Variants in CCDC15 observed in about 807,000 individuals in gnomAD.
CCDC15 encodes the protein coiled-coil domain containing 15.
CCDC15 carries 105 observed loss-of-function variants against 114.5 expected under a neutral mutation model. That is an observed-to-expected ratio of 0.92 (90% CI 0.78 to 1.08). CCDC15 has a LOEUF of 1.08. CCDC15 is among the 50% of genes least tolerant of loss of function. CCDC15 has a pLI of 0.00. For missense variants in CCDC15, 1,105 were observed against 1,093.6 expected (o/e 1.01, Z -0.15); for synonymous variants, 334 against 377.8 (o/e 0.88, Z 1.34).
intron 13 of CCDC15, among the ~76,000 whole-genome samples, chr11:125,021,930 A>G (rs1948662997): frequency 6.6e-6 from 1 of 151,910 alleles, no homozygotes; most frequent in South Asian, 2.1e-4. Context: ...CATTATTCAC[A>G]GGAAAATCTT....
chr11:125,006,438 T>C (rs933245969), intron 13 of CCDC15, among the ~76,000 whole-genome samples: 1 of 152,236 alleles, frequency 6.6e-6, no homozygotes, highest in Non-Finnish European at 1.5e-5. Flanking sequence ...ATAACAGTTC[T>C]TTATCAGTCT....
At chr11:124,975,922 C>T (rs1467233231) in intron 5 of CCDC15, among the ~76,000 whole-genome samples, 2 of 151,736 alleles carry the variant, frequency 1.3e-5, no homozygotes, top group East Asian at 1.9e-4. Context: ...TGGAGCTAGG[C>T]TTAGGAGGAT....
intron 4 of CCDC15, among the ~76,000 whole-genome samples, chr11:124,969,642 G>A (rs1947847189): frequency 6.6e-6 from 1 of 152,004 alleles, no homozygotes; most frequent in African/African-American, 2.4e-5. Flanking sequence ...ACTTTTTGTA[G>A]TAAAGCTTTA....
intron 8 of CCDC15, among the ~76,000 whole-genome samples, chr11:124,991,118 A>G (rs1030951228): frequency 1.3e-5 from 2 of 152,224 alleles, no homozygotes; most frequent in African/African-American, 4.8e-5. Flanking sequence ...AGCAGCCAAC[A>G]TCCATTTTGA....
At chr11:124,958,681 A>G (rs976149955) in intron 2 of CCDC15, among the ~76,000 whole-genome samples, 8 of 152,042 alleles carry the variant, frequency 5.3e-5, no homozygotes, top group Non-Finnish European at 5.9e-5. Context: ...TTAGAGAGAG[A>G]GTGTTGTGGA....
chr11:124,977,595 A>G lies in CCDC15; in HGVS notation c.748A>G (p.Asn250Asp), dbSNP rs1219377146. 1.2e-6 allele frequency: 2 copies of G among 1,601,326 alleles called. No individual in the cohort carries two copies. Among genetic ancestry groups the G allele is most frequent in the Non-Finnish European group, 1.7e-6 (2 of 1,174,928 alleles). ...TGTACCTTACCAGAATTATATGGAA[A>G]ATCAGGTAGGGAAATATAAAAAGTA... ...AAVPYQNYME[N>D]QELDYEEPDY... The change falls in exon 6 of 16, where the codon AAT becomes GAT. Residue 250 changes from asparagine (N) to aspartate (D), a missense_variant. Coordinates refer to ENST00000344762, the MANE Select transcript of CCDC15 (RefSeq NM_025004.3).
At chr11:124,960,565 A>T (rs1947642206) in intron 4 of CCDC15, among the ~76,000 whole-genome samples, 1 of 152,026 alleles carries the variant, frequency 6.6e-6, no homozygotes, top group South Asian at 2.1e-4. Flanking sequence ...CATTTTTCTT[A>T]TTTTTGTTTT....
intron 4 of CCDC15, among the ~76,000 whole-genome samples, chr11:124,964,814 C>A (rs1178355937): frequency 6.6e-6 from 1 of 152,160 alleles, no homozygotes; most frequent in Admixed American, 6.5e-5. Flanking sequence ...AGATATGCCC[C>A]ATCAATACCT....
intron 4 of CCDC15, among the ~76,000 whole-genome samples, chr11:124,974,129 C>G (rs1947931792): frequency 6.6e-6 from 1 of 152,052 alleles, no homozygotes; most frequent in Non-Finnish European, 1.5e-5. Context: ...TGTGCACCAC[C>G]ATGCCCGGCT....
At chr11:125,034,842 A>G (rs367847177) in intron 13 of CCDC15, among the ~76,000 whole-genome samples, 1 of 152,160 alleles carries the variant, frequency 6.6e-6, no homozygotes, top group Non-Finnish European at 1.5e-5. Context: ...TCCATCCTTA[A>G]TATTTGTTGG....
chr11:125,034,301 A>T (rs1948760942), intron 13 of CCDC15, among the ~76,000 whole-genome samples: 2 of 152,112 alleles, frequency 1.3e-5, no homozygotes, highest in South Asian at 4.1e-4. Context: ...CCCCATTCCC[A>T]GTTGCAAGGT....
At chr11:124,956,807 T>G (rs1947559598) in intron 2 of CCDC15, among the ~76,000 whole-genome samples, 1 of 152,240 alleles carries the variant, frequency 6.6e-6, no homozygotes, top group African/African-American at 2.4e-5. Flanking sequence ...CTAGTCTGGG[T>G]ATCCACCCTT....
chr11:125,034,570 T>G (rs907451917), intron 13 of CCDC15, among the ~76,000 whole-genome samples: 1 of 152,220 alleles, frequency 6.6e-6, no homozygotes, highest in East Asian at 1.9e-4. Flanking sequence ...TCCAGTGAAC[T>G]TAGGAGCAAC....
chr11:125,005,147 G>T lies in CCDC15; in HGVS notation c.2346G>T (p.Met782Ile), dbSNP rs1591605658. 1.9e-6 allele frequency: 3 copies of T among 1,567,398 alleles called. No homozygotes were observed. The highest frequency in any genetic ancestry group is 2.6e-6 in the Non-Finnish European group (3 of 1,152,864). Residue 782 changes from methionine (M) to isoleucine (I), a missense_variant, in exon 13 of 16, where the codon ATG becomes ATT. By Grantham distance (10) the Met-to-Ile change is conservative (BLOSUM62 1). Coordinates refer to ENST00000344762, the MANE Select transcript of CCDC15 (RefSeq NM_025004.3). ...ACCTGAGACATAGACGACTTTTCAT[G>T]GATATTGAGAGAGAACAAGTTAAAG... ...KQYLRHRRLF[M>I]DIEREQVKEQ...
chr11:124,992,685 C>T lies in CCDC15; in HGVS notation c.2137C>T (p.Gln713Ter). The change falls in exon 10 of 16, where the codon CAG becomes TAG. Residue 713 changes from glutamine to a stop codon, truncating the protein, a stop_gained and splice_region_variant. Coordinates refer to ENST00000344762, the MANE Select transcript of CCDC15 (RefSeq NM_025004.3). LOFTEE classifies it high-confidence loss of function. ...CCAGGACCAAGACTCCCCTAGAGAA[C>T]AGGTAGAACCGAATACAGTAGGAGG... ...KIQDQDSPRE[Q>*]NKHIKLPSSF... 1 of 1,530,196 alleles carries T rather than the reference C, an allele frequency of 6.5e-7. No homozygotes were observed. Among genetic ancestry groups the T allele is most frequent in the South Asian group, 1.2e-5 (1 of 85,090 alleles). The allele number at this position is 1,530,196 out of a possible 1,614,324, so 94.8% of individuals were successfully genotyped here. A position where few individuals can be genotyped will look rare whatever the true frequency, so the allele number is the denominator to read the frequency against.
At chr11:124,999,776 T>G (rs1948441623) in intron 11 of CCDC15, among the ~76,000 whole-genome samples, 1 of 151,938 alleles carries the variant, frequency 6.6e-6, no homozygotes. Flanking sequence ...TGGGATCTGT[T>G]TATTATCTTT....
Position 124,975,490 on chromosome 11 carries a change from A to G in CCDC15, c.630+281A>G, listed in dbSNP as rs140041056. 7.2e-5 allele frequency among the ~76,000 whole-genome samples: 11 copies of G among 152,346 alleles called. No individual in the cohort carries two copies. The East Asian group carries it at 1.9e-3, about 27-fold the overall frequency. ...TATGATATGATCTTAATTAAAATAT[A>G]TGTATATGTATTCAACAAATACTTA... On this transcript the variant is annotated intron_variant, in intron 5 of 15. Coordinates refer to ENST00000344762, the MANE Select transcript of CCDC15 (RefSeq NM_025004.3).
Position 124,987,601 on chromosome 11 carries a change from A to G in CCDC15, c.1375A>G (p.Lys459Glu), listed in dbSNP as rs1167841437. Residue 459 changes from lysine (K) to glutamate (E), a missense_variant, in exon 8 of 16, where the codon AAA (lysine) becomes GAA (glutamate). Physicochemically the swap from Lys to Glu is moderately conservative, Grantham distance 56 (BLOSUM62 1). Transcript: ENST00000344762. ...FLPRDQHVLH[K>E]DQDILPKYQD... ...ACCCAGAGACCAGCATGTTCTCCAC[A>G]AAGACCAAGATATTCTGCCAAAATA... 2 of 1,614,032 alleles carry G rather than the reference A, an allele frequency of 1.2e-6. No individual in the cohort carries two copies. Among genetic ancestry groups the G allele is most frequent in the Non-Finnish European group, 1.7e-6 (2 of 1,179,902 alleles).
At chr11:124,977,117 T>C (rs1947986569) in intron 5 of CCDC15, among the ~76,000 whole-genome samples, 1 of 152,140 alleles carries the variant, frequency 6.6e-6, no homozygotes. Flanking sequence ...TTAGTGACAT[T>C]AGAATCTGTC....
Sources: allele counts gnomAD v4.1 joint callset (sites outside exome capture counted in the v4.1 genomes callset), GRCh38; gene constraint gnomAD v4.1.1; transcripts MANE v1.5; gene names NCBI Gene and HGNC (gene_info 2026-07-23, HGNC 2026-07-21).